The following CDKAL1 variants were observed in gnomAD, a reference collection of about 807,000 sequenced individuals.
CDKAL1 encodes CDKAL1 threonylcarbamoyladenosine tRNA methylthiotransferase.
Under a neutral mutation model 68.2 loss-of-function variants are expected in CDKAL1, and 32 were observed. That is an observed-to-expected ratio of 0.47 (90% confidence interval 0.35 to 0.63). The LOEUF (loss-of-function observed/expected upper bound fraction) is 0.63, where lower values mean the gene tolerates loss of function less well. CDKAL1 is among the 30% of genes least tolerant of loss of function. CDKAL1 has a pLI of 0.00. For missense variants in CDKAL1, 606 were observed against 696.7 expected, an observed-to-expected ratio of 0.87 and a Z score of 1.47; for synonymous variants, 234 against 244.3, an observed-to-expected ratio of 0.96 and a Z score of 0.39.
chr6:20,776,895 G>A (rs1165496436), intron 7 of CDKAL1, among the ~76,000 whole-genome samples: 1 of 152,174 alleles, frequency 6.6e-6, no homozygotes, highest in African/African-American at 2.4e-5. Flanking sequence ...GGCAAAACAG[G>A]CCATGAAAGC....
chr6:20,845,199 T>C (rs988700913), intron 8 of CDKAL1, among the ~76,000 whole-genome samples: 6 of 152,200 alleles, frequency 3.9e-5, no homozygotes, highest in Non-Finnish European at 8.8e-5. Context: ...CTATGGTCTT[T>C]TTAAAGCCTT....
At chr6:20,694,042 T>TTGTGTGTGTGTGTGTATGTG (rs1261180037) in intron 5 of CDKAL1, among the ~76,000 whole-genome samples, 24 of 114,398 alleles carry the variant, frequency 2.1e-4, no homozygotes, top group Middle Eastern at 3.9e-3. Context: ...CCGGCTAACT[T>TTGTGTGTGTGTGTGTATGTG]TGTGTGTGTG....
At chr6:21,205,740 C>T (rs1057080661) in intron 15 of CDKAL1, among the ~76,000 whole-genome samples, 22 of 150,850 alleles carry the variant, frequency 1.5e-4, no homozygotes, top group Middle Eastern at 3.4e-3. Flanking sequence ...ACTGTGTTAG[C>T]CAGGATGGTC....
intron 11 of CDKAL1, among the ~76,000 whole-genome samples, chr6:21,056,962 G>A (rs1490735913): frequency 2.0e-5 from 3 of 152,124 alleles, no homozygotes; most frequent in Non-Finnish European, 4.4e-5. Flanking sequence ...ATGTTCATCA[G>A]GGATAGTGGC....
chr6:20,795,623 C>G (rs1776078260), intron 8 of CDKAL1, among the ~76,000 whole-genome samples: 1 of 152,062 alleles, frequency 6.6e-6, no homozygotes, highest in Non-Finnish European at 1.5e-5. Flanking sequence ...TTTAATTGTT[C>G]TTTTACTTCA....
At chr6:20,755,659 T>C (rs1162935502) in intron 6 of CDKAL1, among the ~76,000 whole-genome samples, 1 of 152,210 alleles carries the variant, frequency 6.6e-6, no homozygotes, top group African/African-American at 2.4e-5. Flanking sequence ...TGCTCAATAA[T>C]TGATGAGTGA....
intron 13 of CDKAL1, among the ~76,000 whole-genome samples, chr6:21,195,527 T>C (rs1193917466): frequency 6.9e-6 from 1 of 145,298 alleles, no homozygotes; most frequent in African/African-American, 2.6e-5. Context: ...ATTTATTTAT[T>C]TGAGACAGGG....
intron 8 of CDKAL1, among the ~76,000 whole-genome samples, chr6:20,829,581 C>T (rs917807892): frequency 1.4e-4 from 21 of 152,240 alleles, no homozygotes; most frequent in African/African-American, 4.8e-4. Context: ...TAGGTAACTC[C>T]GGAATTAGGC....
intron 9 of CDKAL1, among the ~76,000 whole-genome samples, chr6:20,848,293 T>C (rs908362531): frequency 2.4e-4 from 37 of 151,822 alleles, no homozygotes; most frequent in Admixed American, 2.4e-3. Context: ...TTTTTTTTTT[T>C]CCAATTTAGT....
At chr6:20,999,682 A>G (rs930130890) in intron 10 of CDKAL1, among the ~76,000 whole-genome samples, 1 of 144,792 alleles carries the variant, frequency 6.9e-6, no homozygotes, top group Admixed American at 6.7e-5. Flanking sequence ...AAAAAAAAAA[A>G]AAAAAGAAAG....
chr6:21,185,290 G>A (rs1170234722), intron 13 of CDKAL1, among the ~76,000 whole-genome samples: 1 of 150,712 alleles, frequency 6.6e-6, no homozygotes, highest in East Asian at 1.9e-4. Context: ...AAAAAATATA[G>A]CTCAGAATTG....
chr6:20,753,605 T>A (rs963912655), intron 6 of CDKAL1, among the ~76,000 whole-genome samples: 1 of 152,196 alleles, frequency 6.6e-6, no homozygotes, highest in African/African-American at 2.4e-5. Flanking sequence ...GATGACCTAA[T>A]AACACGTTTC....
At chr6:20,556,097 G>A (rs1042998141) in intron 4 of CDKAL1, among the ~76,000 whole-genome samples, 5 of 152,030 alleles carry the variant, frequency 3.3e-5, no homozygotes, top group East Asian at 1.9e-4. Flanking sequence ...GGGTGCGATC[G>A]CTGTCGCCTG....
At chr6:21,153,607 A>C (rs1776515604) in intron 13 of CDKAL1, among the ~76,000 whole-genome samples, 1 of 152,222 alleles carries the variant, frequency 6.6e-6, no homozygotes. Context: ...CAATGGACAA[A>C]GTTAAAACCT....
chr6:20,823,980 G>A (rs773364594), intron 8 of CDKAL1, among the ~76,000 whole-genome samples: 3 of 152,166 alleles, frequency 2.0e-5, no homozygotes, highest in Non-Finnish European at 2.9e-5. Flanking sequence ...ACTGGTGGAT[G>A]TTCTTGGGGC....
At chr6:20,700,355 C>CAA (rs111802988) in intron 5 of CDKAL1, among the ~76,000 whole-genome samples, 17 of 130,038 alleles carry the variant, frequency 1.3e-4, no homozygotes, top group Admixed American at 6.8e-4. Context: ...AACTCCATCT[C>CAA]AAAAAAAAAA....
At chr6:20,924,502 C>G (rs900658669) in intron 9 of CDKAL1, among the ~76,000 whole-genome samples, 2 of 152,146 alleles carry the variant, frequency 1.3e-5, no homozygotes, top group Admixed American at 1.3e-4. Context: ...CTCCAATGAA[C>G]ACACAAATGA....
chr6:21,077,084 C>G (rs1391898986), intron 12 of CDKAL1, among the ~76,000 whole-genome samples: 2 of 152,060 alleles, frequency 1.3e-5, no homozygotes. Context: ...CTTGAAATGC[C>G]TAATAATCTT....
chr6:20,918,321 G>T (rs1216767143), intron 9 of CDKAL1, among the ~76,000 whole-genome samples: 2 of 152,136 alleles, frequency 1.3e-5, no homozygotes, highest in Non-Finnish European at 2.9e-5. Flanking sequence ...TATTATAGCA[G>T]CCCAAATGGA....
Sources: gnomAD v4.1 joint callset for allele counts (sites outside exome capture counted in the v4.1 genomes callset) on GRCh38, gnomAD v4.1.1 for gene constraint, MANE v1.5 for transcripts, NCBI Gene and HGNC (gene_info 2026-07-23, HGNC 2026-07-21) for gene names.